PARP9: variants seen among roughly 807,000 people sequenced by gnomAD.
PARP9 encodes poly(ADP-ribose) polymerase family member 9, also known as protein mono-ADP-ribosyltransferase PARP9.
A neutral mutation model predicts 68.8 loss-of-function variants in PARP9; 48 were observed. That is an observed-to-expected ratio of 0.70 (90% CI 0.55 to 0.89). The LOEUF (loss-of-function observed/expected upper bound fraction) is 0.89. Ranked by LOEUF, PARP9 falls within the 40% of genes least tolerant of loss-of-function variation. The pLI is 0.00. For synonymous variants in PARP9, 309 were observed against 333.8 expected (o/e 0.93, Z 0.81); for missense variants, 806 against 969.3 (o/e 0.83, Z 2.24).
At chr3:122,534,471 G>T (rs780087555) in intron 10 of PARP9, 54 of 978,708 alleles carry the variant, frequency 5.5e-5, no homozygotes, top group Admixed American at 1.2e-4. Flanking sequence ...AGTGGCTGTT[G>T]TGTGTTTTGC....
Position 122,528,604 on chromosome 3 carries a change from A to C in PARP9, c.2220T>G (p.His740Gln). 1 of 1,614,206 alleles carries C rather than the reference A, an allele frequency of 6.2e-7. No homozygotes were observed. The highest frequency in any genetic ancestry group is 2.2e-5 in the East Asian group (1 of 44,876). ...GTGGTGGGGGAACAATATTTAACGG[A>C]TGTCCCTGGCAGAAGAAGCCTGTGA... ...EVLTGFFCQG[H>Q]PLNIVPPPLS... The change falls in exon 11 of 11, where the codon CAT (histidine) becomes CAG (glutamine). Residue 740 changes from histidine to glutamine, a missense_variant. Physicochemically the swap from His to Gln is conservative, Grantham distance 24. Transcript: ENST00000682323.
intron 6 of PARP9, among the ~76,000 whole-genome samples, chr3:122,547,925 C>A (rs1007357094): frequency 2.0e-5 from 3 of 152,090 alleles, no homozygotes; most frequent in Non-Finnish European, 4.4e-5. Context: ...TAGAGATAAT[C>A]CTCTGCATGG....
At chr3:122,531,123 G>T (rs983359047) in intron 10 of PARP9, among the ~76,000 whole-genome samples, 2 of 152,152 alleles carry the variant, frequency 1.3e-5, no homozygotes, top group Non-Finnish European at 2.9e-5. Context: ...TATACTTACA[G>T]CATCTTTCAA....
chr3:122,558,278 C>G (rs1226714716), intron 3 of PARP9, 156 bp downstream of exon 3: 1 of 1,584,696 alleles, frequency 6.3e-7, no homozygotes, highest in Admixed American at 1.7e-5. Flanking sequence ...CGGTGCCACA[C>G]CAACTCTGAA....
In PARP9 at chr3:122,550,270, G is replaced by A. The variant is rs190824338; in HGVS notation, c.1326+314C>T. Among the ~76,000 whole-genome samples, 263 of 152,140 alleles carry A rather than the reference G, an allele frequency of 1.7e-3. 2 individuals are homozygous for A. The highest frequency in any genetic ancestry group is 6.2e-3 in the African/African-American group (257 of 41,502). On this transcript the variant is annotated intron_variant, in intron 6 of 10. Coordinates refer to ENST00000682323, the MANE Select transcript of PARP9 (RefSeq NM_001146105.2). ...AATTTTGTATTTTTAGTAGAGACAG[G>A]GTTTCTCCATGTTGGTCAGGTTGGT... is the stretch of plus-strand genomic sequence containing the variant.
chr3:122,529,233 TTAAA>T (rs2077129948), intron 10 of PARP9, among the ~76,000 whole-genome samples: 1 of 74,474 alleles, frequency 1.3e-5, no homozygotes, highest in Non-Finnish European at 2.9e-5. Context: ...AGCGAAACTC[TTAAA>T]AAAAAAAAAA....
At chr3:122,545,393 G>A in intron 7 of PARP9, 39 bp downstream of exon 7, 2 of 1,595,652 alleles carry the variant, frequency 1.3e-6, no homozygotes, top group Non-Finnish European at 1.7e-6. Context: ...AGCCAATGGT[G>A]GGCGACCCTA....
intron 5 of PARP9, 23 bp from the exon 6 acceptor site, chr3:122,550,825 G>A: frequency 6.3e-7 from 1 of 1,592,018 alleles, no homozygotes; most frequent in Non-Finnish European, 8.6e-7. Flanking sequence ...ACAAATTTAA[G>A]ATCAGCATTT....
upstream of PARP9, chr3:122,564,521 G>C (rs367967191): frequency 2.8e-5 from 45 of 1,611,680 alleles, no homozygotes; most frequent in Middle Eastern, 3.3e-4. Context: ...TACTTCCAGA[G>C]CTCTAAGTCC....
At chr3:122,561,334 C>T (rs2080187592) in intron 1 of PARP9, among the ~76,000 whole-genome samples, 1 of 152,190 alleles carries the variant, frequency 6.6e-6, no homozygotes, top group African/African-American at 2.4e-5. Flanking sequence ...TTGGTGCATG[C>T]CTATAGTCCC....
In PARP9 at chr3:122,528,213, G is replaced by T; in HGVS notation, c.*151C>A. 1.0e-6 allele frequency: 1 copy of T among 970,114 alleles called. No individual in the cohort carries two copies. Among genetic ancestry groups the T allele is most frequent in the Non-Finnish European group, 1.5e-6 (1 of 659,120 alleles). The allele number at this position is 970,114 out of a possible 1,614,324, so 60.1% of individuals were successfully genotyped here. A position where few individuals can be genotyped will look rare whatever the true frequency, so the allele number is the denominator to read the frequency against. On this transcript the variant is annotated 3_prime_UTR_variant, in exon 11 of 11. Coordinates refer to ENST00000682323, the MANE Select transcript of PARP9 (RefSeq NM_001146105.2). The stretch of plus-strand genomic sequence containing the variant: ...TAAAGACAGATAAAGGCACTAAGAT[G>T]CTAGTATGTGGCTAGTCCTTTCAAT...
chr3:122,552,493 C>G lies in PARP9; in HGVS notation c.1032G>C (p.Leu344=), dbSNP rs1218185999. The change falls in exon 5 of 11, where the codon CTG becomes CTC. Residue 344 remains leucine, a synonymous_variant. Transcript: ENST00000682323. ...AKQFQRSQLV[L]VTKGFNLFCK... ...AGAACAAGTTAAATCCTTTTGTGAC[C>G]AGTACCAACTGGGACCGTTGAAACT... 2 of 1,613,908 alleles carry G rather than the reference C, an allele frequency of 1.2e-6. No individual in the cohort carries two copies. Among genetic ancestry groups the G allele is most frequent in the Admixed American group, 3.3e-5 (2 of 59,986 alleles).
At chr3:122,547,520 T>C (rs894704358) in intron 6 of PARP9, among the ~76,000 whole-genome samples, 3 of 152,176 alleles carry the variant, frequency 2.0e-5, no homozygotes, top group Admixed American at 1.3e-4. Flanking sequence ...CCTTCTTTTC[T>C]AGATGTGGTT....
intron 10 of PARP9, chr3:122,534,038 T>C: frequency 3.0e-6 from 3 of 985,486 alleles, no homozygotes; most frequent in Non-Finnish European, 3.6e-6. Context: ...GCAGGTCACA[T>C]TATGAGTCAT....
intron 1 of PARP9, among the ~76,000 whole-genome samples, chr3:122,561,510 T>C (rs555500246): frequency 5.4e-4 from 83 of 152,324 alleles, no homozygotes; most frequent in Middle Eastern, 3.4e-3. Flanking sequence ...TTAATGCCAA[T>C]GGATTATCTT....
intron 1 of PARP9, among the ~76,000 whole-genome samples, chr3:122,562,035 T>C (rs2080250446): frequency 6.6e-6 from 1 of 152,164 alleles, no homozygotes; most frequent in South Asian, 2.1e-4. Flanking sequence ...TGAGTCTTTT[T>C]TGTCTCATAT....
At chr3:122,544,952 T>C (rs1240237202) in intron 7 of PARP9, among the ~76,000 whole-genome samples, 1 of 152,160 alleles carries the variant, frequency 6.6e-6, no homozygotes, top group Non-Finnish European at 1.5e-5. Flanking sequence ...GACAAATACA[T>C]ATTTTGGGGG....
intron 10 of PARP9, among the ~76,000 whole-genome samples, chr3:122,530,391 C>G (rs1328397174): frequency 6.6e-6 from 1 of 152,066 alleles, no homozygotes; most frequent in Non-Finnish European, 1.5e-5. Context: ...TTATCTAGGT[C>G]CATGCTCACC....
chr3:122,563,653 C>T (rs1362271643), intron 1 of PARP9, among the ~76,000 whole-genome samples: 2 of 152,122 alleles, frequency 1.3e-5, no homozygotes, highest in Admixed American at 1.3e-4. Flanking sequence ...GCCCCAGGCC[C>T]ACTCTGTGCT....
Sources: gnomAD v4.1 joint callset for allele counts (sites outside exome capture counted in the v4.1 genomes callset) on GRCh38, gnomAD v4.1.1 for gene constraint, MANE v1.5 for transcripts, NCBI Gene and HGNC (gene_info 2026-07-23, HGNC 2026-07-21) for gene names.